GSE1: variants seen among roughly 807,000 people sequenced by gnomAD.
GSE1 encodes the protein Gse1 coiled-coil protein.
GSE1 carries 32 observed loss-of-function variants against 112.6 expected under a neutral mutation model. The observed-to-expected ratio is 0.28, with a 90% CI of 0.21 to 0.38. The LOEUF (loss-of-function observed/expected upper bound fraction) is 0.38. GSE1 is among the 10% of genes least tolerant of loss of function. The probability of loss-of-function intolerance (pLI) is 1.00; values close to 1 mark genes in which losing one functional copy is unlikely to be tolerated. For missense variants in GSE1, 2,348 were observed against 1,699.2 expected (o/e 1.38, Z -6.71); for synonymous variants, 1,115 against 735.6 (o/e 1.52, Z -8.35).
intron 2 of GSE1, among the ~76,000 whole-genome samples, chr16:85,413,286 T>C (rs1047089966): frequency 6.6e-6 from 1 of 151,980 alleles, no homozygotes; most frequent in South Asian, 2.1e-4. Context: ...GGGTTGAGGG[T>C]TGGGAAGCCA....
At chr16:85,360,353 C>T (rs867566021) in intron 2 of GSE1, among the ~76,000 whole-genome samples, 46 of 152,260 alleles carry the variant, frequency 3.0e-4, no homozygotes, top group African/African-American at 1.0e-3. Flanking sequence ...AGCCAGGAGC[C>T]CCTGCCCTGC....
At chr16:85,450,242 C>T (rs1186047335) in intron 2 of GSE1, among the ~76,000 whole-genome samples, 1 of 151,076 alleles carries the variant, frequency 6.6e-6, no homozygotes, top group Non-Finnish European at 1.5e-5. Flanking sequence ...CCTCAGCCTC[C>T]CAAGTAGCTG....
At chr16:85,448,167 A>C (rs1383073095) in intron 2 of GSE1, among the ~76,000 whole-genome samples, 1 of 152,220 alleles carries the variant, frequency 6.6e-6, no homozygotes, top group Non-Finnish European at 1.5e-5. Flanking sequence ...TTGAAGATCC[A>C]GATAATAATG....
At chr16:85,428,346 C>A (rs1475786154) in intron 2 of GSE1, among the ~76,000 whole-genome samples, 1 of 152,224 alleles carries the variant, frequency 6.6e-6, no homozygotes, top group African/African-American at 2.4e-5. Context: ...AGGTGTCAGG[C>A]ATGGCATGGC....
Position 85,672,559 on chromosome 16 carries a change from C to A in GSE1, c.*20C>A. 1.3e-6 allele frequency: 2 copies of A among 1,557,590 alleles called. No individual in the cohort carries two copies. Among genetic ancestry groups the A allele is most frequent in the Non-Finnish European group, 1.8e-6 (2 of 1,136,934 alleles). On this transcript the variant is annotated 3_prime_UTR_variant, in exon 16 of 16. Coordinates refer to ENST00000253458, the MANE Select transcript of GSE1 (RefSeq NM_014615.5). ...AGGTGACGGTTTCCCTTGCACTAGG[C>A]CGAACCTATAGTATAGAAATATTAT...
At chr16:85,555,954 C>T (rs1055537343), upstream of GSE1, 9 of 984,688 alleles carry the variant, frequency 9.1e-6, no homozygotes, top group Non-Finnish European at 1.1e-5. Context: ...GCTCCCCCCT[C>T]CTTTTTTTTA....
Position 85,668,269 on chromosome 16 carries a change from C to T in GSE1, c.3260C>T (p.Thr1087Ile), listed in dbSNP as rs745528379. The T allele has an allele frequency of 2.5e-6, 4 of 1,613,190 alleles. 1 individual carries two copies. In the South Asian group the frequency reaches 4.4e-5, roughly 18 times the overall value. The stretch of plus-strand genomic sequence containing the variant: ...CACAATGGGCAGCAGGAGCCCCCCA[C>T]TGCAAGGAAGGGCCCCCCAACCCAG... ...PQHNGQQEPP[T>I]ARKGPPTQEL... The change falls in exon 14 of 16, where the codon ACT (threonine) becomes ATT (isoleucine). Residue 1087 changes from threonine (T) to isoleucine (I), a missense_variant. Physicochemically the swap from Thr to Ile is moderately conservative, Grantham distance 89 (BLOSUM62 -1). Coordinates refer to ENST00000253458, the MANE Select transcript of GSE1 (RefSeq NM_014615.5).
rs966145167 is a variant in GSE1, at chr16:85,231,490, G to A, written c.2283+59683G>A. On this transcript the variant is annotated intron_variant, in intron 1 of 2. Transcript: ENST00000637419. Reference sequence around the variant, plus strand: ...TGGATGGATGGATGAATAGATGGATGGACGGAGGGATGGATAGAAAGATGG... The same window carrying A: ...TGGATGGATGGATGAATAGATGGATAGACGGAGGGATGGATAGAAAGATGG... 6.6e-5 allele frequency among the ~76,000 whole-genome samples: 10 copies of A among 152,232 alleles called. No individual in the cohort carries two copies. The East Asian group carries it at 1.7e-3, about 26-fold the overall frequency.
At chr16:85,181,249 G>C (rs2074577398) in intron 1 of GSE1, among the ~76,000 whole-genome samples, 1 of 152,196 alleles carries the variant, frequency 6.6e-6, no homozygotes, top group African/African-American at 2.4e-5. Context: ...TTTCTCCTTG[G>C]ACCACAGAGG....
intron 2 of GSE1, among the ~76,000 whole-genome samples, chr16:85,498,891 G>A (rs2051269852): frequency 6.6e-6 from 1 of 152,270 alleles, no homozygotes; most frequent in Non-Finnish European, 1.5e-5. Context: ...AGAGCAACTT[G>A]CACCTGGCCT....
intron 1 of GSE1, among the ~76,000 whole-genome samples, chr16:85,195,728 C>T (rs886252578): frequency 6.6e-6 from 1 of 152,214 alleles, no homozygotes; most frequent in Non-Finnish European, 1.5e-5. Context: ...AAGGAGAAGA[C>T]TCAGGATGCA....
At chr16:85,452,746 T>C (rs1422485439) in intron 2 of GSE1, among the ~76,000 whole-genome samples, 1 of 152,118 alleles carries the variant, frequency 6.6e-6, no homozygotes, top group Non-Finnish European at 1.5e-5. Flanking sequence ...GAGAGACCCC[T>C]GGTGGGCGGT....
At chr16:85,425,244 T>G (rs1356067052) in intron 2 of GSE1, among the ~76,000 whole-genome samples, 3 of 147,848 alleles carry the variant, frequency 2.0e-5, no homozygotes, top group Admixed American at 1.4e-4. Flanking sequence ...CAGAGAGGAT[T>G]TGACTCTTGG....
intron 2 of GSE1, among the ~76,000 whole-genome samples, chr16:85,360,622 G>T (rs946310146): frequency 2.0e-5 from 3 of 152,154 alleles, no homozygotes; most frequent in Non-Finnish European, 2.9e-5. Flanking sequence ...CTGCCAGCTG[G>T]GCGGCGGGGC....
At chr16:85,664,362 C>G (rs951503048) in intron 11 of GSE1, among the ~76,000 whole-genome samples, 3 of 152,210 alleles carry the variant, frequency 2.0e-5, no homozygotes, top group Admixed American at 6.5e-5. Context: ...AGGTGTTGAT[C>G]AGGGTGTAGC....
chr16:85,318,941 C>T (rs1192343125), intron 1 of GSE1, among the ~76,000 whole-genome samples: 1 of 152,160 alleles, frequency 6.6e-6, no homozygotes, highest in Non-Finnish European at 1.5e-5. Context: ...GTGTTTAAGG[C>T]GGAGTCCTGA....
chr16:85,483,176 C>T (rs919547539), intron 2 of GSE1, among the ~76,000 whole-genome samples: 3 of 152,180 alleles, frequency 2.0e-5, no homozygotes, highest in Non-Finnish European at 2.9e-5. Flanking sequence ...TGGGTCCCAT[C>T]CCCAAGACAT....
At chr16:85,572,037 A>G (rs1295957143) in intron 1 of GSE1, among the ~76,000 whole-genome samples, 3 of 151,830 alleles carry the variant, frequency 2.0e-5, no homozygotes, top group African/African-American at 7.3e-5. Context: ...GCACACACAC[A>G]CACGTACAAC....
chr16:85,650,633 C>T (rs1293191635), intron 3 of GSE1, among the ~76,000 whole-genome samples: 1 of 152,212 alleles, frequency 6.6e-6, no homozygotes, highest in Non-Finnish European at 1.5e-5. Context: ...AGGCCCGCCC[C>T]AGCAGTGTAC....
Sources: gnomAD v4.1 joint callset for allele counts (sites outside exome capture counted in the v4.1 genomes callset) on GRCh38, gnomAD v4.1.1 for gene constraint, MANE v1.5 for transcripts, NCBI Gene and HGNC (gene_info 2026-07-23, HGNC 2026-07-21) for gene names.